NCOR2: variants seen among roughly 807,000 people sequenced by gnomAD.
The protein encoded by NCOR2 is CTG repeat protein 26.
Under a neutral mutation model 262.9 loss-of-function variants are expected in NCOR2, and 81 were observed. The ratio of observed to expected loss-of-function variants is 0.31; its 90% CI spans 0.26 to 0.37. The LOEUF is 0.37. Among genes scored for constraint, NCOR2 ranks in the 10% least tolerant of loss-of-function variants. The probability of loss-of-function intolerance (pLI) is 1.00; values close to 1 mark genes in which losing one functional copy is unlikely to be tolerated. For synonymous variants in NCOR2, 1,659 were observed against 1,559.3 expected, an observed-to-expected ratio of 1.06 and a Z score of -1.51; for missense variants, 3,385 against 3,621.4, an observed-to-expected ratio of 0.93 and a Z score of 1.68.
chr12:124,385,933 G>A (rs367891696), intron 16 of NCOR2, 46 bp from the exon 19 acceptor site: 40 of 1,593,040 alleles, frequency 2.5e-5, no homozygotes, highest in South Asian at 2.3e-4. Context: ...GGCCCGGCAC[G>A]CAGAGGGGGC....
At chr12:124,346,467 GC>G in intron 31 of NCOR2, 96 bp downstream of exon 33, 4 of 1,297,382 alleles carry the variant, frequency 3.1e-6, no homozygotes, top group Non-Finnish European at 4.0e-6. Context: ...AGGGCTCTCA[GC>G]CTCGGTTTCC....
intron 22 of NCOR2, among the ~76,000 whole-genome samples, chr12:124,357,665 T>C (rs1179706793): frequency 6.6e-6 from 1 of 152,280 alleles, no homozygotes; most frequent in East Asian, 1.9e-4. Flanking sequence ...GTATTGTCTA[T>C]GGCAGAGCTG....
chr12:124,495,294 G>C (rs999381188), upstream of NCOR2: 6 of 1,580,740 alleles, frequency 3.8e-6, no homozygotes, highest in African/African-American at 8.1e-5. This position sits in a 1 kb window ranked among gnomAD's most constrained non-coding sequence, Gnocchi z 4.4. Context: ...GCCCCAATAA[G>C]CTTTCTCTTA....
intron 1 of NCOR2, among the ~76,000 whole-genome samples, chr12:124,532,588 C>A (rs976319692): frequency 1.4e-4 from 21 of 152,200 alleles, no homozygotes; most frequent in African/African-American, 5.1e-4. Flanking sequence ...TGGATCGCCC[C>A]GGCAGAGGAA....
chr12:124,545,001 C>T (rs1008972390), intron 1 of NCOR2, among the ~76,000 whole-genome samples: 4 of 152,176 alleles, frequency 2.6e-5, no homozygotes, highest in African/African-American at 9.7e-5. Flanking sequence ...TTCTCGGAAC[C>T]TCAGTGTGCC....
At chr12:124,375,096 G>A (rs76975122) in intron 18 of NCOR2, among the ~76,000 whole-genome samples, 1 of 152,224 alleles carries the variant, frequency 6.6e-6, no homozygotes, top group Non-Finnish European at 1.5e-5. Flanking sequence ...GTGCAGATGA[G>A]GAAATGGAGG....
chr12:124,528,042 C>T (rs904210001), intron 1 of NCOR2, among the ~76,000 whole-genome samples: 1 of 152,208 alleles, frequency 6.6e-6, no homozygotes, highest in African/African-American at 2.4e-5. Flanking sequence ...GGCCCGAGGC[C>T]TCCTGAGGTT....
chr12:124,518,229 T>G, intron 1 of NCOR2: 1 of 152,208 alleles, frequency 6.6e-6, no homozygotes, highest in East Asian at 1.9e-4. Flanking sequence ...AGAAAAAAAG[T>G]GCCAGCCAGC....
chr12:124,393,660 C>T (rs185304760), intron 16 of NCOR2, among the ~76,000 whole-genome samples: 261 of 152,376 alleles, frequency 1.7e-3, no homozygotes, highest in African/African-American at 5.8e-3. Flanking sequence ...CAACCCCATT[C>T]CTACTCTGCA....
intron 19 of NCOR2, among the ~76,000 whole-genome samples, chr12:124,372,811 C>T (rs1322782442): frequency 2.6e-5 from 4 of 152,154 alleles, no homozygotes; most frequent in African/African-American, 9.7e-5. Flanking sequence ...ACAGCTGCTG[C>T]CCTCGCCTGG....
intron 22 of NCOR2, among the ~76,000 whole-genome samples, chr12:124,357,129 T>C (rs1244079): frequency 0.99 from 150,209 of 152,342 alleles, 74,089 homozygotes; most frequent in Middle Eastern, 1. Flanking sequence ...AGGTGGCAAA[T>C]GGTATCTCAG....
At chr12:124,324,790 GAAA>G (rs1043418921) in exon 47 of NCOR2, 1 of 152,514 alleles carries the variant, frequency 6.6e-6, no homozygotes, top group Non-Finnish European at 1.5e-5. Context: ...AACGATGTGT[GAAA>G]AAAACAGTCC....
chr12:124,461,088 C>G (rs934840854), intron 5 of NCOR2, among the ~76,000 whole-genome samples: 3 of 152,280 alleles, frequency 2.0e-5, no homozygotes, highest in Non-Finnish European at 2.9e-5. Flanking sequence ...CACCTTCCGG[C>G]TGGGAGGCTG....
At chr12:124,332,043 T>C in intron 43 of NCOR2, 1 of 434,354 alleles carries the variant, frequency 2.3e-6, no homozygotes. Context: ...CAACCCCTGG[T>C]CCCAGTATTC....
chr12:124,417,536 C>T lies in NCOR2; in HGVS notation c.1482+2421G>A, dbSNP rs191216176. Among the ~76,000 whole-genome samples, 197 of 152,272 alleles carry T rather than the reference C, an allele frequency of 1.3e-3. 2 individuals are homozygous for T. The highest frequency in any genetic ancestry group is 4.6e-3 in the African/African-American group (190 of 41,540). On this transcript the variant is annotated intron_variant, in intron 13 of 46. Transcript: ENST00000405201. ...CCAGCCTCAATGCCCCCAAACAGGTCATGGGAGGGGAACTGGGAAGGCCAG... is the reference window on the plus strand; with the variant it reads ...CCAGCCTCAATGCCCCCAAACAGGTTATGGGAGGGGAACTGGGAAGGCCAG...
intron 34 of NCOR2, 122 bp downstream of exon 36, chr12:124,341,701 G>T: frequency 6.9e-7 from 1 of 1,447,084 alleles, no homozygotes; most frequent in Non-Finnish European, 9.3e-7. Context: ...ACTCAGGTCC[G>T]TTCACACAAG....
chr12:124,452,266 C>A (rs1479554191), intron 6 of NCOR2, among the ~76,000 whole-genome samples: 1 of 152,224 alleles, frequency 6.6e-6, no homozygotes, highest in Non-Finnish European at 1.5e-5. Context: ...TGGCAAGGGG[C>A]CCTGTGAAGA....
At chr12:124,334,976 T>G (rs564021182) in intron 40 of NCOR2, 159 bp downstream of exon 42, 1 of 1,106,386 alleles carries the variant, frequency 9.0e-7, no homozygotes, top group Admixed American at 1.9e-5. Flanking sequence ...GGCTTTGGGA[T>G]CTCACCCTCA....
chr12:124,391,537 T>C (rs562586434), intron 16 of NCOR2, among the ~76,000 whole-genome samples: 2 of 152,268 alleles, frequency 1.3e-5, no homozygotes, highest in South Asian at 2.1e-4. Context: ...TGCCTCCGCA[T>C]TGACACCCTT....
Sources: gnomAD v4.1 joint callset for allele counts (sites outside exome capture counted in the v4.1 genomes callset) on GRCh38, gnomAD v4.1.1 for gene constraint, Gnocchi (gnomAD v3.1) non-coding constraint, MANE v1.5 for transcripts, NCBI Gene and HGNC (gene_info 2026-07-23, HGNC 2026-07-21) for gene names.